SGCZ: variants seen among roughly 807,000 people sequenced by gnomAD.
The protein encoded by SGCZ is sarcoglycan zeta.
A neutral mutation model predicts 41.3 loss-of-function variants in SGCZ; 40 were observed. That is an observed-to-expected ratio of 0.97 (90% CI 0.75 to 1.26). The LOEUF is 1.26. Ranked by LOEUF, SGCZ falls within the 50% of genes most tolerant of loss-of-function variation. The probability of loss-of-function intolerance (pLI) is 0.00; values close to 1 mark genes in which losing one functional copy is unlikely to be tolerated. For synonymous variants in SGCZ, 206 were observed against 137.5 expected (o/e 1.50, Z -3.49); for missense variants, 552 against 369.8 (o/e 1.49, Z -4.04).
intron 1 of SGCZ, among the ~76,000 whole-genome samples, chr8:14,648,036 C>T (rs536054506): frequency 6.6e-6 from 1 of 151,954 alleles, no homozygotes; most frequent in African/African-American, 2.4e-5. Context: ...GTACCCTGAA[C>T]TTGACTTTGA....
intron 2 of SGCZ, among the ~76,000 whole-genome samples, chr8:14,457,971 C>T (rs909044616): frequency 3.3e-5 from 5 of 152,098 alleles, no homozygotes; most frequent in Admixed American, 1.3e-4. Flanking sequence ...CTCGTCACCA[C>T]GCACAGGGAG....
chr8:14,334,049 A>G (rs1481973408), intron 2 of SGCZ, among the ~76,000 whole-genome samples: 1 of 152,012 alleles, frequency 6.6e-6, no homozygotes, highest in African/African-American at 2.4e-5. Flanking sequence ...AATCCTGAAT[A>G]CACCTCTGTT....
At chr8:14,439,005 G>C (rs989727124) in intron 2 of SGCZ, among the ~76,000 whole-genome samples, 9 of 151,858 alleles carry the variant, frequency 5.9e-5, no homozygotes, top group African/African-American at 2.2e-4. Context: ...TATAATGCAG[G>C]ATCTTTCACG....
At chr8:15,166,714 A>G (rs1799676644) in intron 1 of SGCZ, among the ~76,000 whole-genome samples, 1 of 152,306 alleles carries the variant, frequency 6.6e-6, no homozygotes, top group Admixed American at 6.5e-5. Flanking sequence ...TTATTTGTCA[A>G]TTGTGTTTCT....
intron 1 of SGCZ, among the ~76,000 whole-genome samples, chr8:15,048,130 T>A (rs1290455688): frequency 6.6e-6 from 1 of 151,992 alleles, no homozygotes; most frequent in Non-Finnish European, 1.5e-5. Flanking sequence ...CATATAAAAA[T>A]AATGAAACAA....
chr8:14,293,045 G>A (rs910331144), intron 3 of SGCZ, among the ~76,000 whole-genome samples: 15 of 151,868 alleles, frequency 9.9e-5, no homozygotes, highest in South Asian at 6.2e-4. Context: ...AAATAAATAC[G>A]GTGATTAACC....
At chr8:14,352,664 G>A (rs1803144478) in intron 2 of SGCZ, among the ~76,000 whole-genome samples, 1 of 152,030 alleles carries the variant, frequency 6.6e-6, no homozygotes, top group South Asian at 2.1e-4. Context: ...AAGACAAATG[G>A]ATCAAGCTTT....
intron 1 of SGCZ, among the ~76,000 whole-genome samples, chr8:15,224,301 T>C (rs1221757441): frequency 6.6e-6 from 1 of 152,162 alleles, no homozygotes. Flanking sequence ...ATAATAAAAT[T>C]GAAGAACATT....
intron 1 of SGCZ, among the ~76,000 whole-genome samples, chr8:14,861,468 T>G (rs1483785214): frequency 6.6e-6 from 1 of 152,124 alleles, no homozygotes; most frequent in Admixed American, 6.6e-5. Flanking sequence ...CATTGTATAT[T>G]TCAGTGATCT....
chr8:14,161,894 CAT>C (rs1563160834), intron 5 of SGCZ, among the ~76,000 whole-genome samples: 1 of 152,040 alleles, frequency 6.6e-6, no homozygotes, highest in Non-Finnish European at 1.5e-5. Context: ...ATCACACACA[CAT>C]AGACACATTT....
intron 1 of SGCZ, among the ~76,000 whole-genome samples, chr8:15,026,115 G>A (rs1296114274): frequency 6.7e-6 from 1 of 150,362 alleles, no homozygotes. Context: ...TTCCAATAAG[G>A]TTTGTTTAAA....
At chr8:14,572,111 C>G (rs1051912001) in intron 1 of SGCZ, among the ~76,000 whole-genome samples, 22 of 152,130 alleles carry the variant, frequency 1.4e-4, no homozygotes, top group African/African-American at 4.8e-4. Flanking sequence ...TTTCATGATA[C>G]AGCATTAAGA....
chr8:14,697,034 C>T (rs1318145249), intron 1 of SGCZ, among the ~76,000 whole-genome samples: 1 of 151,930 alleles, frequency 6.6e-6, no homozygotes, highest in African/African-American at 2.4e-5. Flanking sequence ...AAACAGAGAG[C>T]TACAGGATTT....
intron 2 of SGCZ, among the ~76,000 whole-genome samples, chr8:14,552,646 C>T (rs1803906963): frequency 6.6e-6 from 1 of 151,944 alleles, no homozygotes; most frequent in Non-Finnish European, 1.5e-5. Context: ...TTAAAGAGCT[C>T]CATGGGTGAC....
At chr8:14,177,667 G>T (rs1200264515) in intron 4 of SGCZ, among the ~76,000 whole-genome samples, 3 of 142,632 alleles carry the variant, frequency 2.1e-5, no homozygotes, top group Non-Finnish European at 4.5e-5. Flanking sequence ...CCGCCACCAC[G>T]CCCTGCTATT....
intron 2 of SGCZ, among the ~76,000 whole-genome samples, chr8:14,403,548 A>T (rs1377074001): frequency 2.0e-5 from 3 of 152,078 alleles, no homozygotes; most frequent in Non-Finnish European, 4.4e-5. Flanking sequence ...TGAGATAACC[A>T]TGTGGTTTTT....
intron 1 of SGCZ, among the ~76,000 whole-genome samples, chr8:14,824,315 T>C (rs1377339865): frequency 6.6e-6 from 1 of 152,112 alleles, no homozygotes; most frequent in Non-Finnish European, 1.5e-5. Flanking sequence ...GATTATTGGA[T>C]CATTATACAA....
intron 1 of SGCZ, among the ~76,000 whole-genome samples, chr8:14,720,520 C>T (rs768390483): frequency 6.6e-6 from 1 of 152,006 alleles, no homozygotes; most frequent in African/African-American, 2.4e-5. Flanking sequence ...CCTAAGGTTC[C>T]ACTGGATTTC....
chr8:15,086,379 G>A (rs549969736), intron 1 of SGCZ, among the ~76,000 whole-genome samples: 31 of 152,252 alleles, frequency 2.0e-4, no homozygotes, highest in Admixed American at 1.8e-3. Flanking sequence ...CCTCTTAGAG[G>A]TGAGTGCATC....
Sources: allele counts gnomAD v4.1 joint callset (sites outside exome capture counted in the v4.1 genomes callset), GRCh38; gene constraint gnomAD v4.1.1; transcripts MANE v1.5; gene names NCBI Gene and HGNC (gene_info 2026-07-23, HGNC 2026-07-21).